Variants in TSHR observed in about 807,000 individuals in gnomAD.
TSHR encodes thyrotropin receptor.
TSHR carries 51 observed loss-of-function variants against 64.1 expected under a neutral mutation model. That is an observed-to-expected ratio of 0.80 (90% CI 0.64 to 1.01). The LOEUF (loss-of-function observed/expected upper bound fraction) is 1.01, where lower values mean the gene tolerates loss of function less well. TSHR is among the 50% of genes least tolerant of loss of function. The pLI, the probability that TSHR is intolerant of heterozygous loss-of-function variation, is 0.00. For missense variants in TSHR, 877 were observed against 942.8 expected (o/e 0.93, Z 0.91); for synonymous variants, 361 against 361.9 (o/e 1.00, Z 0.03).
Position 81,103,355 on chromosome 14 carries a change from C to A in TSHR, c.615-5020C>A. The A allele has an allele frequency of 1.0e-6, 1 of 985,380 alleles. No homozygotes were observed. Among genetic ancestry groups the A allele is most frequent in the Non-Finnish European group, 1.2e-6 (1 of 829,904 alleles). The allele number at this position is 985,380 out of a possible 1,614,324, so 61.0% of individuals were successfully genotyped here. A position where few individuals can be genotyped will look rare whatever the true frequency, so the allele number is the denominator to read the frequency against. On this transcript the variant is annotated intron_variant, in intron 7 of 9. Coordinates refer to ENST00000298171, the MANE Select transcript of TSHR (RefSeq NM_000369.5). The surrounding 1 kb of genome is among the most constrained non-coding windows in gnomAD (Gnocchi z 4.1). ...TTTGGTAATTTCTCCAGAAGTTTGT[C>A]CAGGTATCATTAGGTTCTCATTTAA... is the stretch of plus-strand genomic sequence containing the variant.
chr14:81,037,852 A>T (rs1284890404), intron 1 of TSHR, among the ~76,000 whole-genome samples: 4 of 151,942 alleles, frequency 2.6e-5, no homozygotes, highest in Non-Finnish European at 4.4e-5. Flanking sequence ...CTAAAGAGTG[A>T]TACAGACTGC....
intron 1 of TSHR, among the ~76,000 whole-genome samples, chr14:81,009,587 T>C (rs554829481): frequency 2.0e-5 from 3 of 152,336 alleles, no homozygotes; most frequent in East Asian, 1.9e-4. Context: ...ACAAATGCCA[T>C]AGGACTGTGT....
chr14:80,970,946 T>C lies in TSHR; in HGVS notation c.170+15096T>C, dbSNP rs180673615. Among the ~76,000 whole-genome samples the C allele has an allele frequency of 2.9e-3, 440 of 152,288 alleles. 5 individuals carry two copies. Among genetic ancestry groups the C allele is most frequent in the African/African-American group, 0.01 (427 of 41,558 alleles). On this transcript the variant is annotated intron_variant, in intron 1 of 9. Coordinates refer to ENST00000298171, the MANE Select transcript of TSHR (RefSeq NM_000369.5). ...GCCTCCAAGGCCCAAGCAATTACCC[T>C]GCCTCAGCCTCCCAAGTAGCTGGGA...
Position 81,145,147 on chromosome 14 carries a change from G to A in TSHR, c.*794G>A. The A allele has an allele frequency of 4.3e-6, 1 of 233,086 alleles. No individual in the cohort carries two copies. Among genetic ancestry groups the A allele is most frequent in the Non-Finnish European group, 8.5e-6 (1 of 117,960 alleles). The allele number at this position is 233,086 out of a possible 1,614,324, so 14.4% of individuals were successfully genotyped here. The stretch of plus-strand genomic sequence containing the variant: ...GCAATAAGTGGGAATTATGGGCAGA[G>A]CACACTCAATCCCCTGTTGATTAAT... On this transcript the variant is annotated 3_prime_UTR_variant, in exon 10 of 10. Transcript: ENST00000298171.
intron 2 of TSHR, among the ~76,000 whole-genome samples, chr14:81,064,245 T>C (rs938116796): frequency 1.2e-4 from 19 of 152,076 alleles, no homozygotes; most frequent in African/African-American, 3.9e-4. Context: ...AATTGAAGGA[T>C]GATCATTGAG....
At chr14:81,134,887 T>C (rs1262939676) in intron 8 of TSHR, among the ~76,000 whole-genome samples, 4 of 152,160 alleles carry the variant, frequency 2.6e-5, no homozygotes, top group African/African-American at 9.7e-5. Context: ...TGGAAAAAGA[T>C]TCCTATCAAG....
At position 80,983,064 on chromosome 14, in the gene TSHR, T is replaced by TA. The variant is rs1191698851; in HGVS notation, c.170+27215dup. ...ACGTTCACCCATTTGCCCAAGAGTT[T>TA]ATTAATGAAATGGTATAATGATGCT... On this transcript the variant is annotated intron_variant, in intron 1 of 9. Coordinates refer to ENST00000298171, the MANE Select transcript of TSHR (RefSeq NM_000369.5). 5 of 566,050 alleles carry TA rather than the reference T, an allele frequency of 8.8e-6. No individual in the cohort carries two copies. In the South Asian group the frequency reaches 9.2e-5, roughly 10 times the overall value. 35.1% of individuals were successfully genotyped at this position (566,050 alleles called of 1,614,324 possible).
At chr14:81,124,574 T>G (rs28559861) in intron 8 of TSHR, among the ~76,000 whole-genome samples, 46,483 of 151,936 alleles carry the variant, frequency 0.31, 8,008 homozygotes, top group East Asian at 0.53. Flanking sequence ...TAGGATAGAT[T>G]TATATCTCTA....
chr14:81,121,311 C>T (rs1157732839), intron 8 of TSHR, among the ~76,000 whole-genome samples: 2 of 152,118 alleles, frequency 1.3e-5, no homozygotes, highest in African/African-American at 2.4e-5. Context: ...TGCCCTCAGC[C>T]TTCTCAATGG....
Position 81,143,014 on chromosome 14 carries a change from A to T in TSHR, c.956A>T (p.Asn319Ile). 6.2e-7 allele frequency: 1 copy of T among 1,614,208 alleles called. No homozygotes were observed. Among genetic ancestry groups the T allele is most frequent in the Non-Finnish European group, 8.5e-7 (1 of 1,180,044 alleles). ...CAGAGAAAATCTGTGAATGCCTTGAATAGCCCCCTCCACCAGGAATATGAA... is the reference window on the plus strand; with the variant it reads ...CAGAGAAAATCTGTGAATGCCTTGATTAGCCCCCTCCACCAGGAATATGAA... Reference protein sequence around the residue: ...LRQRKSVNALNSPLHQEYEEN... With the variant: ...LRQRKSVNALISPLHQEYEEN... The change falls in exon 10 of 10, where the codon AAT (asparagine) becomes ATT (isoleucine). Residue 319 changes from asparagine (N) to isoleucine (I), a missense_variant. Asn to Ile is a moderately radical substitution (Grantham distance 149). Coordinates refer to ENST00000298171, the MANE Select transcript of TSHR (RefSeq NM_000369.5).
At chr14:81,030,269 A>G (rs1389386993) in intron 1 of TSHR, among the ~76,000 whole-genome samples, 1 of 152,124 alleles carries the variant, frequency 6.6e-6, no homozygotes, top group East Asian at 1.9e-4. Context: ...AAATGAACCT[A>G]GTTCATTTTT....
chr14:81,037,502 A>C (rs1884706378), intron 1 of TSHR, among the ~76,000 whole-genome samples: 1 of 151,994 alleles, frequency 6.6e-6, no homozygotes, highest in Non-Finnish European at 1.5e-5. Flanking sequence ...TATCAATAAT[A>C]ACCTTGAATG....
Position 81,103,842 on chromosome 14 carries a change from C to T in TSHR, c.615-4533C>T. On this transcript the variant is annotated intron_variant, in intron 7 of 9. Transcript: ENST00000298171. This position sits in a 1 kb window ranked among gnomAD's most constrained non-coding sequence, Gnocchi z 4.1. ...CTGTATCACATTTCCTATTGTCAAACTCTAGTAACTAGCTACTATCTGACA... is the reference window on the plus strand; with the variant it reads ...CTGTATCACATTTCCTATTGTCAAATTCTAGTAACTAGCTACTATCTGACA... 1 of 985,410 alleles carries T rather than the reference C, an allele frequency of 1.0e-6. No homozygotes were observed. Among genetic ancestry groups the T allele is most frequent in the Non-Finnish European group, 1.2e-6 (1 of 829,910 alleles). 61.0% of individuals were successfully genotyped at this position (985,410 alleles called of 1,614,324 possible). A position where few individuals can be genotyped will look rare whatever the true frequency, so the allele number is the denominator to read the frequency against.
chr14:81,076,307 T>C (rs1887499491), intron 3 of TSHR, among the ~76,000 whole-genome samples: 1 of 152,176 alleles, frequency 6.6e-6, no homozygotes, highest in African/African-American at 2.4e-5. Context: ...TCCCCAGCTA[T>C]AATTATTGGG....
intron 8 of TSHR, among the ~76,000 whole-genome samples, chr14:81,116,292 T>C (rs376026538): frequency 0.098 from 12,104 of 124,082 alleles, 552 homozygotes; most frequent in East Asian, 0.22. Context: ...ACCCATCTCA[T>C]GTGCAGAGAC....
intron 1 of TSHR, among the ~76,000 whole-genome samples, chr14:80,989,485 C>G (rs1249190807): frequency 6.6e-6 from 1 of 152,122 alleles, no homozygotes; most frequent in Non-Finnish European, 1.5e-5. Flanking sequence ...TTGCCACAAC[C>G]AAACTGAACT....
intron 1 of TSHR, among the ~76,000 whole-genome samples, chr14:81,042,786 T>C (rs79961128): frequency 0.01 from 1,530 of 152,212 alleles, 20 homozygotes; most frequent in Middle Eastern, 0.031. Flanking sequence ...TAGGATAGAG[T>C]GTTTTCAATG....
intron 1 of TSHR, among the ~76,000 whole-genome samples, chr14:80,985,236 C>T (rs1003716573): frequency 6.6e-6 from 1 of 152,172 alleles, no homozygotes; most frequent in Non-Finnish European, 1.5e-5. Context: ...GGCGACAGAG[C>T]GAGACTCCGT....
At chr14:81,048,223 A>G (rs1358586417) in intron 1 of TSHR, among the ~76,000 whole-genome samples, 2 of 152,132 alleles carry the variant, frequency 1.3e-5, no homozygotes, top group Non-Finnish European at 2.9e-5. Flanking sequence ...ACTCTGTCAT[A>G]AACAGAAGCC....
Sources: gnomAD v4.1 joint callset for allele counts (sites outside exome capture counted in the v4.1 genomes callset) on GRCh38, gnomAD v4.1.1 for gene constraint, Gnocchi (gnomAD v3.1) non-coding constraint, MANE v1.5 for transcripts, NCBI Gene and HGNC (gene_info 2026-07-23, HGNC 2026-07-21) for gene names.